SKOR2: variants seen among roughly 807,000 people sequenced by gnomAD.
SKOR2 encodes LBX1 corepressor 1-like protein.
Under a neutral mutation model 69.1 loss-of-function variants are expected in SKOR2, and 47 were observed. That is an observed-to-expected ratio of 0.68 (90% CI 0.54 to 0.87). The LOEUF (loss-of-function observed/expected upper bound fraction) is 0.87. Ranked by LOEUF, SKOR2 falls within the 40% of genes least tolerant of loss-of-function variation. The pLI, the probability that SKOR2 is intolerant of heterozygous loss-of-function variation, is 0.00. For synonymous variants in SKOR2, 717 were observed against 672.6 expected (o/e 1.07, Z -1.02); for missense variants, 1,404 against 1,472.2 (o/e 0.95, Z 0.76).
At chr18:47,231,477 T>C (rs1359827892) in intron 4 of SKOR2, among the ~76,000 whole-genome samples, 1 of 151,926 alleles carries the variant, frequency 6.6e-6, no homozygotes, top group Non-Finnish European at 1.5e-5. Flanking sequence ...AAAAGAAATG[T>C]GAGGAGGCTT....
In SKOR2 at chr18:47,210,215, G is replaced by C. The variant is rs539478496; in HGVS notation, c.*3+1871C>G. Reference sequence around the variant, plus strand: ...ACAGACAAAGTTTTTACCATCGTTGGGGGTAGGGAGTGGGAGAAGCTGGGC... The same window carrying C: ...ACAGACAAAGTTTTTACCATCGTTGCGGGTAGGGAGTGGGAGAAGCTGGGC... On this transcript the variant is annotated intron_variant, in intron 8 of 8. Coordinates refer to ENST00000425639, the MANE Select transcript of SKOR2 (RefSeq NM_001278063.4). Among the ~76,000 whole-genome samples the C allele has an allele frequency of 4.6e-5, 7 of 152,294 alleles. No homozygotes were observed. The South Asian group carries it at 1.2e-3, about 27-fold the overall frequency.
At chr18:47,237,882 T>G (rs1184930288) in intron 4 of SKOR2, among the ~76,000 whole-genome samples, 1 of 152,110 alleles carries the variant, frequency 6.6e-6, no homozygotes, top group Non-Finnish European at 1.5e-5. Flanking sequence ...CTACCTATGT[T>G]GCCCAGTCTG....
In SKOR2 at chr18:47,248,133, C is replaced by G. The variant is rs767076097; in HGVS notation, c.1051G>C (p.Gly351Arg). The G allele has an allele frequency of 1.6e-6, 2 of 1,280,834 alleles. No homozygotes were observed. Among genetic ancestry groups the G allele is most frequent in the Non-Finnish European group, 2.0e-6 (2 of 1,022,420 alleles). The allele number at this position is 1,280,834 out of a possible 1,614,324, so 79.3% of individuals were successfully genotyped here. The change falls in exon 2 of 9, where the codon GGC (glycine) becomes CGC (arginine). Residue 351 changes from glycine to arginine, a missense_variant. By Grantham distance (125) the Gly-to-Arg change is moderately radical. Coordinates refer to ENST00000425639, the MANE Select transcript of SKOR2 (RefSeq NM_001278063.4). The surrounding 1 kb of genome is among the most constrained non-coding windows in gnomAD (Gnocchi z 6.4). ...CCGGCCACACAGCCACCCCCAGCGCCGCCCCCACCAGTCCCCGCGCCGCCC... is the reference window on the plus strand; with the variant it reads ...CCGGCCACACAGCCACCCCCAGCGCGGCCCCCACCAGTCCCCGCGCCGCCC... Reference protein sequence around the residue: ...ASGGAGTGGGGAGGGCVAGVG... With the variant: ...ASGGAGTGGGRAGGGCVAGVG...
intron 4 of SKOR2, among the ~76,000 whole-genome samples, chr18:47,240,488 G>T (rs952856621): frequency 6.6e-5 from 10 of 152,152 alleles, no homozygotes; most frequent in African/African-American, 2.2e-4. Context: ...ATAGATAAAA[G>T]TTCTCCTGGC....
Position 47,238,403 on chromosome 18 carries a change from A to G in SKOR2, c.2752+6505T>C, listed in dbSNP as rs968590224. On this transcript the variant is annotated intron_variant, in intron 4 of 8. Coordinates refer to ENST00000425639, the MANE Select transcript of SKOR2 (RefSeq NM_001278063.4). ...AGTGGTACAGTTTCAGCTCACTGTTATCTTCGTCTCCTGGATTCAAGCGAT... is the reference window on the plus strand; with the variant it reads ...AGTGGTACAGTTTCAGCTCACTGTTGTCTTCGTCTCCTGGATTCAAGCGAT... 1.5e-3 allele frequency among the ~76,000 whole-genome samples: 192 copies of G among 129,444 alleles called. 1 individual carries two copies. Among genetic ancestry groups the G allele is most frequent in the Non-Finnish European group, 2.6e-4 (17 of 65,074 alleles). The allele number at this position is 129,444 out of a possible 152,430, so 84.9% of individuals were successfully genotyped here. A position where few individuals can be genotyped will look rare whatever the true frequency, so the allele number is the denominator to read the frequency against.
chr18:47,245,485 T>C lies in SKOR2; in HGVS notation c.2677+13A>G. 1.4e-6 allele frequency: 2 copies of C among 1,457,488 alleles called. No individual in the cohort carries two copies. Among genetic ancestry groups the C allele is most frequent in the Admixed American group, 2.6e-5 (1 of 38,082 alleles). 90.3% of individuals were successfully genotyped at this position (1,457,488 alleles called of 1,614,324 possible). A position where few individuals can be genotyped will look rare whatever the true frequency, so the allele number is the denominator to read the frequency against. On this transcript the variant is annotated intron_variant, in intron 3 of 8. Coordinates refer to ENST00000425639, the MANE Select transcript of SKOR2 (RefSeq NM_001278063.4). Reference sequence around the variant, plus strand: ...CAAGAAAAGTGGCAGCTGATTTTTTTTTTTTTTTTTACCTGAAAAGCTGTT... The same window carrying C: ...CAAGAAAAGTGGCAGCTGATTTTTTCTTTTTTTTTTACCTGAAAAGCTGTT...
At chr18:47,220,129 T>C (rs2064156788) in intron 6 of SKOR2, 119 bp from the exon 7 acceptor site, 1 of 733,978 alleles carries the variant, frequency 1.4e-6, no homozygotes, top group Non-Finnish European at 2.2e-6. Context: ...AGTATTTTTT[T>C]CATAGGCAAA....
intron 7 of SKOR2, among the ~76,000 whole-genome samples, chr18:47,216,814 G>C (rs1568083574): frequency 6.6e-6 from 1 of 151,968 alleles, no homozygotes; most frequent in Non-Finnish European, 1.5e-5. Context: ...GAAAAAAAAA[G>C]CCTGTTTTGT....
At chr18:47,214,232 A>T (rs1474149095) in intron 7 of SKOR2, among the ~76,000 whole-genome samples, 1 of 152,234 alleles carries the variant, frequency 6.6e-6, no homozygotes, top group Non-Finnish European at 1.5e-5. Context: ...TTCAGAGCTA[A>T]GTCAAAATGG....
Position 47,247,513 on chromosome 18 carries a change from G to C in SKOR2, c.1671C>G (p.Leu557=), listed in dbSNP as rs2064285158. ...CGCTGCCGCCCGGGGGCGACTCGAA[G>C]AGCGCGTCGCGAGAGCCGGCGCCCC... The part of the protein sequence containing the change: ...PAGGAGSRDA[L]FESPPGGSGG... The change falls in exon 2 of 9, where the codon CTC becomes CTG. Residue 557 remains leucine, a synonymous_variant. Coordinates refer to ENST00000425639, the MANE Select transcript of SKOR2 (RefSeq NM_001278063.4). This position sits in a 1 kb window ranked among gnomAD's most constrained non-coding sequence, Gnocchi z 6.6. The C allele has an allele frequency of 3.3e-6, 4 of 1,211,258 alleles. No individual in the cohort carries two copies. Among genetic ancestry groups the C allele is most frequent in the African/African-American group, 3.2e-5 (2 of 63,186 alleles). The allele number at this position is 1,211,258 out of a possible 1,614,324, so 75.0% of individuals were successfully genotyped here.
intron 6 of SKOR2, among the ~76,000 whole-genome samples, chr18:47,224,594 A>G (rs1391992172): frequency 6.7e-6 from 1 of 150,260 alleles, no homozygotes; most frequent in Non-Finnish European, 1.5e-5. Context: ...TCATTTTGTT[A>G]TCTCTATTTT....
intron 7 of SKOR2, among the ~76,000 whole-genome samples, chr18:47,214,113 T>G (rs985432130): frequency 1.4e-4 from 21 of 152,224 alleles, no homozygotes; most frequent in Middle Eastern, 3.2e-3. Flanking sequence ...AGCCAGTGTC[T>G]GTTCTATGGC....
At chr18:47,219,661 T>G (rs2064155058) in intron 7 of SKOR2, among the ~76,000 whole-genome samples, 1 of 152,184 alleles carries the variant, frequency 6.6e-6, no homozygotes, top group South Asian at 2.1e-4. Context: ...TTGGGAAGTT[T>G]GCATAATGGA....
intron 6 of SKOR2, among the ~76,000 whole-genome samples, chr18:47,224,231 T>G (rs2064171130): frequency 6.6e-6 from 1 of 152,138 alleles, no homozygotes; most frequent in Non-Finnish European, 1.5e-5. Context: ...TTCTAAAGGT[T>G]GATGAAGACA....
In SKOR2 at chr18:47,230,554, T is replaced by C. The variant is rs1164563910; in HGVS notation, c.2822A>G (p.Glu941Gly). The change falls in exon 6 of 9, where the codon GAA becomes GGA. Residue 941 changes from glutamate to glycine, a missense_variant. Glu to Gly is a moderately conservative substitution (Grantham distance 98, BLOSUM62 -2). Transcript: ENST00000425639. Reference protein sequence around the residue: ...KKDVENMGKEELQKVLFEQID... With the variant: ...KKDVENMGKEGLQKVLFEQID... ...TTGTTCAAATAAAACCTTCTGAAGTTCTTCTAATAAAAAAAAGAAGAGTCA... is the reference window on the plus strand; with the variant it reads ...TTGTTCAAATAAAACCTTCTGAAGTCCTTCTAATAAAAAAAAGAAGAGTCA... 1.3e-5 allele frequency: 19 copies of C among 1,414,628 alleles called. No individual in the cohort carries two copies. The highest frequency in any genetic ancestry group is 8.8e-5 in the African/African-American group (6 of 68,464). The allele number at this position is 1,414,628 out of a possible 1,614,324, so 87.6% of individuals were successfully genotyped here.
Position 47,246,667 on chromosome 18 carries a change from C to A in SKOR2, c.2517G>T (p.Pro839=). 1 of 1,472,314 alleles carries A rather than the reference C, an allele frequency of 6.8e-7. No individual in the cohort carries two copies. Among genetic ancestry groups the A allele is most frequent in the Admixed American group, 2.2e-5 (1 of 44,638 alleles). The allele number at this position is 1,472,314 out of a possible 1,614,324, so 91.2% of individuals were successfully genotyped here. The stretch of plus-strand genomic sequence containing the variant: ...CACTCGCCTTCTGGGGGGCCAGGGG[C>A]GGCGGCGGGGGCGGGGGCAGGTCCG... ...PGSDLPPPPP[P]PLAPQKASGG... The change falls in exon 2 of 9, where the codon CCG becomes CCT. Residue 839 remains proline, a synonymous_variant. Transcript: ENST00000425639.
At chr18:47,250,547 G>A (rs2064307878) in intron 1 of SKOR2, among the ~76,000 whole-genome samples, 1 of 152,198 alleles carries the variant, frequency 6.6e-6, no homozygotes, top group Non-Finnish European at 1.5e-5. Context: ...TTTCGGCCAC[G>A]TACAGCGAGT....
chr18:47,239,372 A>G (rs2064239008), intron 4 of SKOR2, among the ~76,000 whole-genome samples: 1 of 152,226 alleles, frequency 6.6e-6, no homozygotes, highest in South Asian at 2.1e-4. Context: ...ATCACTGGAA[A>G]GCATATGCTA....
rs2064300494 is a variant in SKOR2, at chr18:47,249,037, A to T, written c.147T>A (p.Ile49=). 1.9e-6 allele frequency: 3 copies of T among 1,539,426 alleles called. No individual in the cohort carries two copies. Among genetic ancestry groups the T allele is most frequent in the Non-Finnish European group, 2.6e-6 (3 of 1,148,414 alleles). Residue 49 remains isoleucine (I), a synonymous_variant, in exon 2 of 9, where the codon ATT becomes ATA. Coordinates refer to ENST00000425639, the MANE Select transcript of SKOR2 (RefSeq NM_001278063.4). ...CGTCGATCACCAACGACACGATGGGAATGCCGTAGAGGATCACCTGGCCCA... is the reference window on the plus strand; with the variant it reads ...CGTCGATCACCAACGACACGATGGGTATGCCGTAGAGGATCACCTGGCCCA... ...NQVGQVILYG[I]PIVSLVIDGQ...
Sources: allele counts gnomAD v4.1 joint callset (sites outside exome capture counted in the v4.1 genomes callset), GRCh38; gene constraint gnomAD v4.1.1; non-coding constraint Gnocchi (gnomAD v3.1); transcripts MANE v1.5; gene names NCBI Gene and HGNC (gene_info 2026-07-23, HGNC 2026-07-21).